DENND3: variants seen among roughly 807,000 people sequenced by gnomAD.
The protein encoded by DENND3 is DENN domain-containing protein 3.
A neutral mutation model predicts 135.1 loss-of-function variants in DENND3; 88 were observed. The observed-to-expected ratio is 0.65, with a 90% CI of 0.55 to 0.78. The LOEUF is 0.78. Among genes scored for constraint, DENND3 ranks in the 30% least tolerant of loss-of-function variants. DENND3 has a pLI of 0.00. For missense variants in DENND3, 1,392 were observed against 1,688.4 expected (o/e 0.82, Z 3.08); for synonymous variants, 693 against 712.3 (o/e 0.97, Z 0.43).
In DENND3 at chr8:141,148,511, G is replaced by C. The variant is rs568148634; in HGVS notation, c.736-2323G>C. On this transcript the variant is annotated intron_variant, in intron 5 of 22. Coordinates refer to ENST00000519811, the MANE Select transcript of DENND3 (RefSeq NM_001352890.3). Reference sequence around the variant, plus strand: ...CACACACACATTCTTCTCTTGTACCGTATCTGAGTCATTTTCTATGTTGCT... The same window carrying C: ...CACACACACATTCTTCTCTTGTACCCTATCTGAGTCATTTTCTATGTTGCT... 2.0e-5 allele frequency among the ~76,000 whole-genome samples: 3 copies of C among 152,230 alleles called. No individual in the cohort carries two copies. In the East Asian group the frequency reaches 5.8e-4, roughly 29 times the overall value.
intron 18 of DENND3, among the ~76,000 whole-genome samples, chr8:141,188,132 G>A (rs908143188): frequency 2.7e-5 from 4 of 149,796 alleles, no homozygotes; most frequent in African/African-American, 5.0e-5. Flanking sequence ...GGTCTGAAGC[G>A]GGAGAATCGC....
intron 6 of DENND3, 27 bp from the exon 7 acceptor site, chr8:141,151,592 A>T: frequency 6.3e-7 from 1 of 1,598,820 alleles, no homozygotes; most frequent in Admixed American, 1.7e-5. Flanking sequence ...AAAAGCATGT[A>T]CTCAGTGCGG....
At position 141,175,065 on chromosome 8, in the gene DENND3, C is replaced by G; in HGVS notation, c.2276-135C>G. ...GGGAAACCTTCTAGGCAGTTTCCATCCAGCGCCCTGAGTGCTGGCGCCACC... is the reference window on the plus strand; with the variant it reads ...GGGAAACCTTCTAGGCAGTTTCCATGCAGCGCCCTGAGTGCTGGCGCCACC... On this transcript the variant is annotated intron_variant, in intron 13 of 22. Transcript: ENST00000519811. The surrounding 1 kb of genome is among the most constrained non-coding windows in gnomAD (Gnocchi z 5.4). The G allele has an allele frequency of 9.7e-7, 1 of 1,036,216 alleles. No individual in the cohort carries two copies. Among genetic ancestry groups the G allele is most frequent in the South Asian group, 1.6e-5 (1 of 63,478 alleles). The allele number at this position is 1,036,216 out of a possible 1,614,324, so 64.2% of individuals were successfully genotyped here. A position where few individuals can be genotyped will look rare whatever the true frequency, so the allele number is the denominator to read the frequency against.
intron 10 of DENND3, among the ~76,000 whole-genome samples, chr8:141,164,954 C>T (rs2154613137): frequency 6.6e-6 from 1 of 152,304 alleles, no homozygotes; most frequent in South Asian, 2.1e-4. Context: ...TGATGAAATA[C>T]TCTTTTGTTC....
At chr8:141,159,955 A>G (rs1589618628) in intron 8 of DENND3, among the ~76,000 whole-genome samples, 2 of 152,306 alleles carry the variant, frequency 1.3e-5, no homozygotes, top group South Asian at 2.1e-4. Context: ...ACAGAGGGGA[A>G]GCCATGGGGG....
rs997340121 is a variant in DENND3, at chr8:141,144,679, T to C, written c.735+420T>C. Among the ~76,000 whole-genome samples, 2 of 152,172 alleles carry C rather than the reference T, an allele frequency of 1.3e-5. No homozygotes were observed. The highest frequency in any genetic ancestry group is 1.3e-4 in the Admixed American group (2 of 15,270). ...GACAGGAAGGAAGGTCAGACACGCCTTGTTATGCCCGCTCCCTTTTGGAGT... is the reference window on the plus strand; with the variant it reads ...GACAGGAAGGAAGGTCAGACACGCCCTGTTATGCCCGCTCCCTTTTGGAGT... On this transcript the variant is annotated intron_variant, in intron 5 of 22. Coordinates refer to ENST00000519811, the MANE Select transcript of DENND3 (RefSeq NM_001352890.3). The surrounding 1 kb of genome is among the most constrained non-coding windows in gnomAD (Gnocchi z 4.4).
At position 141,194,235 on chromosome 8, in the gene DENND3, C is replaced by A; in HGVS notation, c.*2C>A. On this transcript the variant is annotated 3_prime_UTR_variant, in exon 23 of 23. Coordinates refer to ENST00000519811, the MANE Select transcript of DENND3 (RefSeq NM_001352890.3). ...GTCGCCATTTGGAAAGGCGAATAAA[C>A]GTGGCTGAGTCTGCCAAGTGGAACT... 3.1e-6 allele frequency: 5 copies of A among 1,611,268 alleles called. No individual in the cohort carries two copies. The highest frequency in any genetic ancestry group is 4.2e-6 in the Non-Finnish European group (5 of 1,179,426).
chr8:141,161,561 A>G (rs1010749592), intron 9 of DENND3, among the ~76,000 whole-genome samples: 1 of 152,202 alleles, frequency 6.6e-6, no homozygotes, highest in Non-Finnish European at 1.5e-5. Flanking sequence ...AGCTTCATAG[A>G]TAAGTACTTT....
rs1818516146 is a variant in DENND3 at position 141,149,357 on chromosome 8, C to T, written c.736-1477C>T. On this transcript the variant is annotated intron_variant, in intron 5 of 22. Transcript: ENST00000519811. ...GCCCTGGGTCACAAAATCAATTTCA[C>T]CATAAACTAATTGATGCAGACAAGA... Among the ~76,000 whole-genome samples the T allele has an allele frequency of 2.0e-5, 3 of 152,216 alleles. No homozygotes were observed. In the South Asian group the frequency reaches 6.2e-4, roughly 31 times the overall value.
intron 20 of DENND3, 182 bp from the exon 21 acceptor site, chr8:141,192,149 C>A: frequency 3.2e-6 from 2 of 624,494 alleles, no homozygotes; most frequent in South Asian, 3.2e-5. Context: ...TCTTAAAGAC[C>A]CAGGGTTCTA....
chr8:141,128,827 T>G lies in DENND3; in HGVS notation c.102+18T>G. On this transcript the variant is annotated intron_variant, in intron 1 of 22. Transcript: ENST00000519811. This position sits in a 1 kb window ranked among gnomAD's most constrained non-coding sequence, Gnocchi z 4.5. ...TCGAGCAGGTGAGGGGCGGGGAAAC[T>G]GAGGCGGACGTGGGCCACGAGTCGG... The G allele has an allele frequency of 2.9e-6, 4 of 1,374,948 alleles. No individual in the cohort carries two copies. Among genetic ancestry groups the G allele is most frequent in the Non-Finnish European group, 9.5e-7 (1 of 1,056,754 alleles). 85.2% of individuals were successfully genotyped at this position (1,374,948 alleles called of 1,614,324 possible). A position where few individuals can be genotyped will look rare whatever the true frequency, so the allele number is the denominator to read the frequency against.
intron 7 of DENND3, among the ~76,000 whole-genome samples, chr8:141,155,348 T>C (rs970854003): frequency 2.0e-5 from 3 of 152,218 alleles, no homozygotes; most frequent in Admixed American, 6.5e-5. Flanking sequence ...GCTCATGATA[T>C]ATACTAGATT....
intron 19 of DENND3, among the ~76,000 whole-genome samples, chr8:141,190,042 G>A (rs1029723031): frequency 2.8e-4 from 43 of 152,080 alleles, no homozygotes; most frequent in Non-Finnish European, 1.2e-4. Flanking sequence ...TTTTCCTGCC[G>A]AGTCAGTTAC....
Position 141,141,160 on chromosome 8 carries a change from C to T in DENND3, c.502-43C>T. On this transcript the variant is annotated intron_variant, in intron 3 of 22. Transcript: ENST00000519811. This position sits in a 1 kb window ranked among gnomAD's most constrained non-coding sequence, Gnocchi z 5.3. ...CAGTTGGAAACAGATACTGGAATTGCCAAGGTGGGGAGGTGACCATGTCGC... is the reference window on the plus strand; with the variant it reads ...CAGTTGGAAACAGATACTGGAATTGTCAAGGTGGGGAGGTGACCATGTCGC... 1.2e-6 allele frequency: 2 copies of T among 1,613,522 alleles called. No homozygotes were observed. Among genetic ancestry groups the T allele is most frequent in the Non-Finnish European group, 8.5e-7 (1 of 1,179,682 alleles).
chr8:141,176,434 T>C (rs1171828947), intron 14 of DENND3, among the ~76,000 whole-genome samples, 157 bp from the exon 15 acceptor site: 1 of 152,176 alleles, frequency 6.6e-6, no homozygotes, highest in Admixed American at 6.5e-5. Flanking sequence ...ATGGGAACAC[T>C]GCCCCTCACC....
chr8:141,151,961 A>T, intron 7 of DENND3, 124 bp downstream of exon 7: 1 of 1,202,044 alleles, frequency 8.3e-7, no homozygotes, highest in Non-Finnish European at 1.2e-6. Flanking sequence ...CAGAGAGGTC[A>T]CGGGTACCGT....
At chr8:141,181,559 G>A (rs1417739402) in intron 17 of DENND3, among the ~76,000 whole-genome samples, 1 of 152,210 alleles carries the variant, frequency 6.6e-6, no homozygotes, top group African/African-American at 2.4e-5. Flanking sequence ...GACCCTGCAC[G>A]CCGCATCAGG....
intron 13 of DENND3, among the ~76,000 whole-genome samples, chr8:141,173,979 G>A (rs1180491572): frequency 1.3e-5 from 2 of 152,200 alleles, no homozygotes; most frequent in Non-Finnish European, 2.9e-5. Context: ...GTGCCATAAG[G>A]GAAGCAGGTG....
At position 141,185,291 on chromosome 8, in the gene DENND3, A is replaced by G. The variant is rs755720446; in HGVS notation, c.3084+13A>G. 17 of 1,613,944 alleles carry G rather than the reference A, an allele frequency of 1.1e-5. No homozygotes were observed. The highest frequency in any genetic ancestry group is 5.1e-6 in the Non-Finnish European group (6 of 1,179,842). ...CACTGCAAAAGTGGTGAGTACACGA[A>G]GCGTCAGGAAAGAAGCCTCTGAATT... On this transcript the variant is annotated intron_variant, in intron 18 of 22. Coordinates refer to ENST00000519811, the MANE Select transcript of DENND3 (RefSeq NM_001352890.3).
Sources: gnomAD v4.1 joint callset for allele counts (sites outside exome capture counted in the v4.1 genomes callset) on GRCh38, gnomAD v4.1.1 for gene constraint, Gnocchi (gnomAD v3.1) non-coding constraint, MANE v1.5 for transcripts, NCBI Gene and HGNC (gene_info 2026-07-23, HGNC 2026-07-21) for gene names.